The following DGKG variants were observed in gnomAD, a reference collection of about 807,000 sequenced individuals.
The protein encoded by DGKG is DAG kinase gamma.
DGKG carries 78 observed loss-of-function variants against 105.3 expected under a neutral mutation model. That is an observed-to-expected ratio of 0.74 (90% confidence interval 0.62 to 0.89). DGKG has a LOEUF of 0.89. DGKG is among the 40% of genes least tolerant of loss of function. The pLI is 0.00. For missense variants in DGKG, 958 were observed against 1,020.1 expected (o/e 0.94, Z 0.83); for synonymous variants, 346 against 367.1 (o/e 0.94, Z 0.66).
At chr3:186,295,819 G>A (rs1723529563) in intron 5 of DGKG, among the ~76,000 whole-genome samples, 1 of 151,942 alleles carries the variant, frequency 6.6e-6, no homozygotes, top group African/African-American at 2.4e-5. Flanking sequence ...ACTGAGTTAA[G>A]AATAGAGTAT....
Position 186,257,857 on chromosome 3 carries a change from T to C in DGKG, c.1507A>G (p.Ile503Val), listed in dbSNP as rs769690982. Reference sequence around the variant, plus strand: ...CGCCCTCTCAGCCCATGCTTACCAATGCAATCCAAAATCCAGCCAACTGTC... The same window carrying C: ...CGCCCTCTCAGCCCATGCTTACCAACGCAATCCAAAATCCAGCCAACTGTC... ...DGTVGWILDC[I>V]DKANFAKHPP... Residue 503 changes from isoleucine to valine, a missense_variant, in exon 17 of 25, where the codon ATT becomes GTT. By Grantham distance (29) the Ile-to-Val change is conservative. Transcript: ENST00000265022. 3.5e-5 allele frequency: 56 copies of C among 1,613,042 alleles called. No individual in the cohort carries two copies. In the East Asian group the frequency reaches 1.0e-3, roughly 30 times the overall value.
intron 13 of DGKG, among the ~76,000 whole-genome samples, chr3:186,266,293 T>C (rs1722053984): frequency 6.6e-6 from 1 of 152,244 alleles, no homozygotes; most frequent in Non-Finnish European, 1.5e-5. Flanking sequence ...CTCCATGTTT[T>C]TACTCTATGC....
chr3:186,169,495 G>A (rs772160069), intron 22 of DGKG, among the ~76,000 whole-genome samples: 15 of 152,118 alleles, frequency 9.9e-5, no homozygotes, highest in South Asian at 4.1e-4. Context: ...ACATTCCCTG[G>A]TTTGATGCCC....
At chr3:186,352,094 C>A (rs1050279209) in intron 1 of DGKG, among the ~76,000 whole-genome samples, 1 of 152,094 alleles carries the variant, frequency 6.6e-6, no homozygotes, top group Admixed American at 6.5e-5. Context: ...CCACTCCCCC[C>A]AGGCAATGTT....
chr3:186,303,130 T>A (rs1371789429), intron 3 of DGKG, among the ~76,000 whole-genome samples: 1 of 152,176 alleles, frequency 6.6e-6, no homozygotes, highest in African/African-American at 2.4e-5. Context: ...GTATCCCATG[T>A]TCAGCAGGCA....
chr3:186,355,346 A>C (rs528064893), intron 1 of DGKG, among the ~76,000 whole-genome samples: 64 of 43,198 alleles, frequency 1.5e-3, no homozygotes, highest in African/African-American at 8.1e-3. Flanking sequence ...ACCACCACCA[A>C]CAACACTACT....
At chr3:186,157,740 A>G (rs1307643416) in intron 24 of DGKG, among the ~76,000 whole-genome samples, 1 of 152,162 alleles carries the variant, frequency 6.6e-6, no homozygotes, top group African/African-American at 2.4e-5. Context: ...GTCTCACTCC[A>G]TCGCCCAGGC....
At chr3:186,292,807 C>CA (rs1191250809) in intron 5 of DGKG, among the ~76,000 whole-genome samples, 64 of 134,130 alleles carry the variant, frequency 4.8e-4, no homozygotes, top group Middle Eastern at 3.9e-3. Flanking sequence ...GACTCCATCT[C>CA]AAAAAAAAAA....
intron 24 of DGKG, among the ~76,000 whole-genome samples, chr3:186,152,227 G>A (rs1012056061): frequency 6.6e-6 from 1 of 152,164 alleles, no homozygotes; most frequent in Admixed American, 6.5e-5. Flanking sequence ...TAAAAGGGGA[G>A]AGAGTCTCTG....
chr3:186,175,527 G>A (rs987869306), intron 22 of DGKG, among the ~76,000 whole-genome samples: 1 of 152,202 alleles, frequency 6.6e-6, no homozygotes, highest in African/African-American at 2.4e-5. Flanking sequence ...CAGTGCCCCG[G>A]CAGAGCTGTG....
At chr3:186,314,381 C>T (rs1724711249) in intron 2 of DGKG, among the ~76,000 whole-genome samples, 1 of 152,192 alleles carries the variant, frequency 6.6e-6, no homozygotes, top group Non-Finnish European at 1.5e-5. Context: ...TTGGGCAAGT[C>T]ACTGAGCTCT....
At chr3:186,232,823 T>C (rs578156437) in intron 20 of DGKG, among the ~76,000 whole-genome samples, 75 of 152,372 alleles carry the variant, frequency 4.9e-4, no homozygotes, top group Middle Eastern at 3.4e-3. Context: ...AATAGATGTT[T>C]ATCTGCCTAT....
At chr3:186,257,647 C>T in intron 17 of DGKG, 1 of 503,966 alleles carries the variant, frequency 2.0e-6, no homozygotes, top group Non-Finnish European at 3.6e-6. Context: ...ACTGTTACCT[C>T]CGTATTGGAG....
At chr3:186,239,237 C>G (rs572816640) in intron 20 of DGKG, among the ~76,000 whole-genome samples, 1 of 152,314 alleles carries the variant, frequency 6.6e-6, no homozygotes, top group South Asian at 2.1e-4. Context: ...ACAGCAATGA[C>G]AACTCCCAAG....
chr3:186,225,915 G>C (rs1464583280), intron 20 of DGKG, among the ~76,000 whole-genome samples: 1 of 152,214 alleles, frequency 6.6e-6, no homozygotes, highest in African/African-American at 2.4e-5. Context: ...TTCAAGGGCT[G>C]ACCAGCTGCA....
At chr3:186,161,121 C>T (rs780906770) in intron 24 of DGKG, 42 of 988,386 alleles carry the variant, frequency 4.2e-5, no homozygotes, top group South Asian at 1.4e-4. Context: ...CTGTGCTCTG[C>T]GAGGAATTTT....
intron 11 of DGKG, 56 bp from the exon 12 acceptor site, chr3:186,268,973 C>T (rs1368891710): frequency 7.6e-7 from 1 of 1,307,470 alleles, no homozygotes; most frequent in Non-Finnish European, 1.1e-6. Context: ...GTCCCCGGGG[C>T]CCTGGGCTGG....
At chr3:186,183,817 G>A (rs1717483198) in intron 22 of DGKG, among the ~76,000 whole-genome samples, 1 of 151,934 alleles carries the variant, frequency 6.6e-6, no homozygotes, top group South Asian at 2.1e-4. Flanking sequence ...CGATTGTCCT[G>A]CCTCAGCCTC....
chr3:186,236,797 C>G (rs753999278), intron 20 of DGKG, among the ~76,000 whole-genome samples: 11 of 152,184 alleles, frequency 7.2e-5, no homozygotes, highest in Non-Finnish European at 1.6e-4. Flanking sequence ...CTCTGAAGGG[C>G]CTAACAGGAA....
Sources: gnomAD v4.1 joint callset for allele counts (sites outside exome capture counted in the v4.1 genomes callset) on GRCh38, gnomAD v4.1.1 for gene constraint, MANE v1.5 for transcripts, NCBI Gene and HGNC (gene_info 2026-07-23, HGNC 2026-07-21) for gene names.